ATP2A3: variants seen among roughly 807,000 people sequenced by gnomAD.
ATP2A3 encodes sarcoplasmic/endoplasmic reticulum calcium ATPase 3.
Under a neutral mutation model 106.8 loss-of-function variants are expected in ATP2A3, and 61 were observed. That is an observed-to-expected ratio of 0.57 (90% CI 0.46 to 0.71). The LOEUF is 0.71. ATP2A3 is among the 30% of genes least tolerant of loss of function. ATP2A3 has a pLI of 0.00. For missense variants in ATP2A3, 1,201 were observed against 1,423.5 expected (o/e 0.84, Z 2.52); for synonymous variants, 611 against 609.3 (o/e 1.00, Z -0.04).
At chr17:3,946,268 A>G (rs2054112480) in intron 8 of ATP2A3, among the ~76,000 whole-genome samples, 1 of 144,938 alleles carries the variant, frequency 6.9e-6, no homozygotes, top group Non-Finnish European at 1.5e-5. Context: ...AAAATTTATT[A>G]GGGCCGGGCA....
At position 3,930,788 on chromosome 17, in the gene ATP2A3, G is replaced by A. The variant is rs149842143; in HGVS notation, c.2611-354C>T. 2.6e-3 allele frequency: 1,010 copies of A among 392,110 alleles called. 10 individuals carry two copies. Among genetic ancestry groups the A allele is most frequent in the African/African-American group, 0.019 (933 of 48,178 alleles). The allele number at this position is 392,110 out of a possible 1,614,324, so 24.3% of individuals were successfully genotyped here. On this transcript the variant is annotated intron_variant, in intron 17 of 20. Transcript: ENST00000397041. The surrounding 1 kb of genome is among the most constrained non-coding windows in gnomAD (Gnocchi z 5.4). ...TGAAAATCAACCAACAAAACCATGC[G>A]GGAGTGGAATTCACCTTTGCGGTAT...
At chr17:3,934,893 C>G in intron 17 of ATP2A3, 1 of 404,062 alleles carries the variant, frequency 2.5e-6, no homozygotes, top group Non-Finnish European at 4.7e-6. Flanking sequence ...GCTCATTCCT[C>G]TGAGGCCTCA....
In ATP2A3 at chr17:3,941,317, G is replaced by C. The variant is rs758918380; in HGVS notation, c.1765-11C>G. Reference sequence around the variant, plus strand: ...GAAGGTCAGGTCCGTCTGTAGGGAGGGGGCAGATTCAAGCGGGGCCTGAGC... The same window carrying C: ...GAAGGTCAGGTCCGTCTGTAGGGAGCGGGCAGATTCAAGCGGGGCCTGAGC... On this transcript the variant is annotated splice_polypyrimidine_tract_variant and intron_variant, in intron 13 of 20. Coordinates refer to ENST00000397041, the MANE Select transcript of ATP2A3 (RefSeq NM_005173.4). 4.3e-6 allele frequency: 7 copies of C among 1,613,856 alleles called. No homozygotes were observed. Among genetic ancestry groups the C allele is most frequent in the South Asian group, 2.2e-5 (2 of 91,074 alleles).
intron 1 of ATP2A3, among the ~76,000 whole-genome samples, chr17:3,956,914 C>G (rs1270583826): frequency 6.6e-6 from 1 of 152,252 alleles, no homozygotes; most frequent in East Asian, 1.9e-4. Context: ...CAGCCAGCTC[C>G]TTGTGGGGCC....
chr17:3,959,090 G>T (rs1192847662), intron 1 of ATP2A3, among the ~76,000 whole-genome samples: 1 of 151,704 alleles, frequency 6.6e-6, no homozygotes, highest in East Asian at 1.9e-4. Flanking sequence ...TAAAGATGAG[G>T]TTTCACCATG....
At chr17:3,938,655 C>T (rs1488886296) in intron 14 of ATP2A3, among the ~76,000 whole-genome samples, 1 of 151,654 alleles carries the variant, frequency 6.6e-6, no homozygotes, top group Non-Finnish European at 1.5e-5. Flanking sequence ...AAGCAATTCT[C>T]GTGCCTCAGC....
Position 3,941,092 on chromosome 17 carries a change from T to C in ATP2A3, c.1979A>G (p.Asp660Gly). The C allele has an allele frequency of 6.2e-7, 1 of 1,613,752 alleles. No individual in the cohort carries two copies. Among genetic ancestry groups the C allele is most frequent in the Non-Finnish European group, 8.5e-7 (1 of 1,179,872 alleles). The stretch of plus-strand genomic sequence containing the variant: ...CTGGCGCTGCTGCTCGGGGCTGAGG[T>C]CATCAAACTCGCGGCCCGTGTAGGC... ...GKAYTGREFD[D>G]LSPEQQRQAC... The change falls in exon 14 of 21, where the codon GAC (aspartate) becomes GGC (glycine). Residue 660 changes from aspartate to glycine, a missense_variant. By Grantham distance (94) the Asp-to-Gly change is moderately conservative. Around this residue, in one of 2 missense-constraint regions of ATP2A3, gnomAD observed 935 missense variants for 1,176.7 expected, o/e 0.79. Coordinates refer to ENST00000397041, the MANE Select transcript of ATP2A3 (RefSeq NM_005173.4).
chr17:3,926,968 C>G lies in ATP2A3; in HGVS notation c.2981-1527G>C, dbSNP rs2052743078. Reference sequence around the variant, plus strand: ...TCCCCACTGCCCTGAGGACAATGTCCAGGGTCTCTACCTTGGCACTCAAGG... The same window carrying G: ...TCCCCACTGCCCTGAGGACAATGTCGAGGGTCTCTACCTTGGCACTCAAGG... On this transcript the variant is annotated intron_variant, in intron 20 of 20. Transcript: ENST00000397041. This position sits in a 1 kb window ranked among gnomAD's most constrained non-coding sequence, Gnocchi z 4.6. 1.0e-6 allele frequency: 1 copy of G among 985,362 alleles called. No individual in the cohort carries two copies. The highest frequency in any genetic ancestry group is 4.7e-5 in the South Asian group (1 of 21,296). The allele number at this position is 985,362 out of a possible 1,614,324, so 61.0% of individuals were successfully genotyped here. A position where few individuals can be genotyped will look rare whatever the true frequency, so the allele number is the denominator to read the frequency against.
chr17:3,931,477 TAGA>T, intron 17 of ATP2A3, among the ~76,000 whole-genome samples: 1 of 152,082 alleles, frequency 6.6e-6, no homozygotes, highest in Non-Finnish European at 1.5e-5. Context: ...ACCAAAAATA[TAGA>T]TCCTGCTCTT....
intron 1 of ATP2A3, among the ~76,000 whole-genome samples, chr17:3,958,885 C>CAT (rs201734962): frequency 0.12 from 13,427 of 107,984 alleles, 1,310 homozygotes; most frequent in African/African-American, 0.19. Flanking sequence ...CACACACACA[C>CAT]ACATATATAT....
In ATP2A3 at chr17:3,928,368, C is replaced by T. The variant is rs2052837478; in HGVS notation, c.2980+295G>A. 1 of 1,577,054 alleles carries T rather than the reference C, an allele frequency of 6.3e-7. No individual in the cohort carries two copies. Among genetic ancestry groups the T allele is most frequent in the Non-Finnish European group, 8.7e-7 (1 of 1,150,280 alleles). On this transcript the variant is annotated intron_variant, in intron 20 of 20. Transcript: ENST00000397041. The surrounding 1 kb of genome is among the most constrained non-coding windows in gnomAD (Gnocchi z 6.1). ...TCAGAGGCTGAGGCCCAGAAGAGCA[C>T]ACAGTGCCCTGGCCATGTAGGGGGT...
rs1475736675 is a variant in ATP2A3 at position 3,951,657 on chromosome 17, T to G, written c.248A>C (p.Glu83Ala). Reference sequence around the variant, plus strand: ...GGGCTCCACGAAGGCGGTCGTGGTCTCCTCGCCCTCCTCGAACCAGGCCAG... The same window carrying G: ...GGGCTCCACGAAGGCGGTCGTGGTCGCCTCGCCCTCCTCGAACCAGGCCAG... ...FVLAWFEEGE[E>A]TTTAFVEPLV... Residue 83 changes from glutamate to alanine, a missense_variant, in exon 4 of 21, where the codon GAG becomes GCG. Glu to Ala is a moderately radical substitution (Grantham distance 107). Transcript: ENST00000397041. 1 of 1,607,716 alleles carries G rather than the reference T, an allele frequency of 6.2e-7. No homozygotes were observed. Among genetic ancestry groups the G allele is most frequent in the East Asian group, 2.2e-5 (1 of 44,708 alleles).
chr17:3,951,163 A>G, intron 5 of ATP2A3, 88 bp downstream of exon 5: 1 of 1,111,898 alleles, frequency 9.0e-7, no homozygotes, highest in Non-Finnish European at 1.1e-6. Context: ...ACAGAGCACG[A>G]CTCCATCTCA....
chr17:3,934,538 T>TTTTC lies in ATP2A3; in HGVS notation c.2610+653_2610+654insGAAA, dbSNP rs71381541. ...CCCTCGATTCTTTTTTTTTTTTTTTTCTTGAGATGGAGTCTTGCTCTGTCA... is the reference window on the plus strand; with the variant it reads ...CCCTCGATTCTTTTTTTTTTTTTTTTTTTCCTTGAGATGGAGTCTTGCTCTGTCA... On this transcript the variant is annotated intron_variant, in intron 17 of 20. Coordinates refer to ENST00000397041, the MANE Select transcript of ATP2A3 (RefSeq NM_005173.4). Among the ~76,000 whole-genome samples the TTTTC allele has an allele frequency of 2.3e-4, 34 of 146,438 alleles. 1 individual carries two copies. Among genetic ancestry groups the TTTTC allele is most frequent in the Non-Finnish European group, 2.7e-4 (18 of 66,682 alleles).
Position 3,950,673 on chromosome 17 carries a change from C to G in ATP2A3, c.544+20G>C. ...TTAGTCCTGGCCCACTAGGTCCCGG[C>G]CTCCTGGGGGGGGCCTCACCCGTCA... is the stretch of plus-strand genomic sequence containing the variant. On this transcript the variant is annotated intron_variant, in intron 6 of 20. Coordinates refer to ENST00000397041, the MANE Select transcript of ATP2A3 (RefSeq NM_005173.4). 1 of 1,613,904 alleles carries G rather than the reference C, an allele frequency of 6.2e-7. No individual in the cohort carries two copies. The highest frequency in any genetic ancestry group is 2.2e-5 in the East Asian group (1 of 44,870).
intron 17 of ATP2A3, chr17:3,934,960 TC>T: frequency 1.8e-6 from 1 of 561,732 alleles, no homozygotes; most frequent in African/African-American, 1.9e-5. Flanking sequence ...GGCCTCTTGG[TC>T]CCCGCTAACT....
Position 3,928,730 on chromosome 17 carries a change from G to C in ATP2A3, c.2913C>G (p.Leu971=), listed in dbSNP as rs1212397598. The C allele has an allele frequency of 6.4e-7, 1 of 1,551,872 alleles. No homozygotes were observed. Among genetic ancestry groups the C allele is most frequent in the East Asian group, 2.4e-5 (1 of 40,994 alleles). ...PLSGRQWVVV[L]QISLPVILLD... The stretch of plus-strand genomic sequence containing the variant: ...GCAGGATGACAGGCAGAGATATCTG[G>C]AGCACCACCACCCACTGGCGCCCGC... Residue 971 remains leucine (L), a synonymous_variant, in exon 20 of 21, where the codon CTC becomes CTG. Coordinates refer to ENST00000397041, the MANE Select transcript of ATP2A3 (RefSeq NM_005173.4). This position sits in a 1 kb window ranked among gnomAD's most constrained non-coding sequence, Gnocchi z 6.1.
rs1235614594 is a variant in ATP2A3, at chr17:3,936,012, G to A, written c.2524+255C>T. Among the ~76,000 whole-genome samples the A allele has an allele frequency of 6.6e-6, 1 of 152,236 alleles. No homozygotes were observed. The highest frequency in any genetic ancestry group is 1.5e-5 in the Non-Finnish European group (1 of 68,040). ...TGAATTTGGGGTTGTAATGGAGTGA[G>A]CAGAGGGCTGGGGCTGCAGCAGCCA... On this transcript the variant is annotated intron_variant, in intron 16 of 20. Transcript: ENST00000397041. The surrounding 1 kb of genome is among the most constrained non-coding windows in gnomAD (Gnocchi z 5.4).
chr17:3,943,726 T>C (rs996031557), intron 10 of ATP2A3, among the ~76,000 whole-genome samples: 2 of 152,156 alleles, frequency 1.3e-5, no homozygotes, highest in South Asian at 4.1e-4. Flanking sequence ...CACACTGGCA[T>C]TGATCGCCAC....
Sources: gnomAD v4.1 joint callset for allele counts (sites outside exome capture counted in the v4.1 genomes callset) on GRCh38, gnomAD v4.1.1 for gene constraint, gnomAD v4.1.1 regional missense constraint, Gnocchi (gnomAD v3.1) non-coding constraint, MANE v1.5 for transcripts, NCBI Gene and HGNC (gene_info 2026-07-23, HGNC 2026-07-21) for gene names.